Variants in PTPRM observed in about 807,000 individuals in gnomAD.
The protein encoded by PTPRM is receptor-type tyrosine-protein phosphatase mu.
In PTPRM, 47 loss-of-function variants were observed where a neutral mutation model predicts 186.7. That is an observed-to-expected ratio of 0.25 (90% confidence interval 0.20 to 0.32). The LOEUF is 0.32. Ranked by LOEUF, PTPRM falls within the 10% of genes least tolerant of loss-of-function variation. PTPRM has a pLI of 1.00. For missense variants in PTPRM, 1,494 were observed against 1,865.0 expected, an observed-to-expected ratio of 0.80 and a Z score of 3.66; for synonymous variants, 668 against 674.9, an observed-to-expected ratio of 0.99 and a Z score of 0.16.
intron 22 of PTPRM, among the ~76,000 whole-genome samples, chr18:8,330,298 CT>C (rs936168198): frequency 1.3e-5 from 2 of 152,140 alleles, no homozygotes; most frequent in African/African-American, 4.8e-5. Flanking sequence ...TAACCAGTGA[CT>C]TTTTTTCTTG....
At chr18:8,353,914 A>G (rs1340106531) in intron 23 of PTPRM, among the ~76,000 whole-genome samples, 1 of 152,200 alleles carries the variant, frequency 6.6e-6, no homozygotes, top group East Asian at 1.9e-4. Flanking sequence ...AAGGCAAACA[A>G]AAAAGAGTAT....
chr18:8,235,996 G>A (rs1325989953), intron 14 of PTPRM, among the ~76,000 whole-genome samples: 2 of 152,028 alleles, frequency 1.3e-5, no homozygotes, highest in Non-Finnish European at 2.9e-5. Flanking sequence ...CTCATGATGC[G>A]GTCTATCTGG....
rs1488694107 is a variant in PTPRM at position 7,568,002 on chromosome 18, G to C, written c.73+111G>C. On this transcript the variant is annotated intron_variant, in intron 1 of 32. Coordinates refer to ENST00000580170, the MANE Select transcript of PTPRM (RefSeq NM_001105244.2). This position sits in a 1 kb window ranked among gnomAD's most constrained non-coding sequence, Gnocchi z 5.1. ...CCTAAGGCTGGCGTCGGGGCCGGGC[G>C]GGGGGCGCGGCGGGCCGGACACCGC... The C allele has an allele frequency of 9.4e-7, 1 of 1,064,542 alleles. No individual in the cohort carries two copies. The allele number at this position is 1,064,542 out of a possible 1,614,324, so 65.9% of individuals were successfully genotyped here. A position where few individuals can be genotyped will look rare whatever the true frequency, so the allele number is the denominator to read the frequency against.
At chr18:8,013,025 C>T (rs1231167305) in intron 7 of PTPRM, among the ~76,000 whole-genome samples, 1 of 151,834 alleles carries the variant, frequency 6.6e-6, no homozygotes, top group African/African-American at 2.4e-5. Flanking sequence ...CTGCAGGGCT[C>T]CTGTCAAGAA....
chr18:7,849,792 G>C (rs988524811), intron 2 of PTPRM, among the ~76,000 whole-genome samples: 1 of 152,110 alleles, frequency 6.6e-6, no homozygotes, highest in African/African-American at 2.4e-5. Flanking sequence ...ATATGAGAGG[G>C]GGAGGCAGTC....
chr18:8,061,644 GCAGGC>G (rs1278500083), intron 7 of PTPRM, among the ~76,000 whole-genome samples: 1 of 95,272 alleles, frequency 1.0e-5, no homozygotes, highest in African/African-American at 4.6e-5. Flanking sequence ...CTCTTTTAGG[GCAGGC>G]CTGGTGGTGA....
At chr18:7,833,393 T>A (rs1051291205) in intron 2 of PTPRM, among the ~76,000 whole-genome samples, 5 of 152,158 alleles carry the variant, frequency 3.3e-5, no homozygotes, top group African/African-American at 1.2e-4. Flanking sequence ...ATGGGGTTAC[T>A]TTTTTATTTC....
chr18:8,196,379 G>T (rs1275622325), intron 14 of PTPRM, among the ~76,000 whole-genome samples: 1 of 152,210 alleles, frequency 6.6e-6, no homozygotes, highest in East Asian at 1.9e-4. Context: ...TACTGTTAGA[G>T]AGATGGGAAC....
intron 13 of PTPRM, among the ~76,000 whole-genome samples, chr18:8,134,624 C>G (rs1389965954): frequency 6.6e-6 from 1 of 152,138 alleles, no homozygotes; most frequent in Non-Finnish European, 1.5e-5. Flanking sequence ...GATCATATTA[C>G]CAGATCTTTC....
At chr18:7,891,007 C>T (rs562990004) in intron 3 of PTPRM, among the ~76,000 whole-genome samples, 14 of 151,788 alleles carry the variant, frequency 9.2e-5, no homozygotes, top group African/African-American at 2.7e-4. Flanking sequence ...CAGGGCACAG[C>T]GGCTCAAGCC....
intron 1 of PTPRM, among the ~76,000 whole-genome samples, chr18:7,681,934 A>G (rs1299619756): frequency 6.6e-6 from 1 of 152,222 alleles, no homozygotes; most frequent in African/African-American, 2.4e-5. Context: ...TTGTGAGTAT[A>G]ACAGAGGCAA....
intron 2 of PTPRM, among the ~76,000 whole-genome samples, chr18:7,881,183 C>T (rs1001587905): frequency 6.6e-6 from 1 of 152,130 alleles, no homozygotes; most frequent in Non-Finnish European, 1.5e-5. Context: ...CATCTGTAAT[C>T]ACAGCACTTG....
intron 5 of PTPRM, among the ~76,000 whole-genome samples, chr18:7,945,382 G>A (rs1252063514): frequency 6.6e-6 from 1 of 151,812 alleles, no homozygotes. Flanking sequence ...GGAGAATGGC[G>A]TGAACCCGGG....
rs1263136283 is a variant in PTPRM at position 8,114,774 on chromosome 18, C to T, written c.2131-17C>T. The stretch of plus-strand genomic sequence containing the variant: ...AAAACATGAATAATGATTTTTCCCT[C>T]TCTTTATTTGACACAGGAAACCAAA... On this transcript the variant is annotated splice_polypyrimidine_tract_variant and intron_variant, in intron 12 of 32. Transcript: ENST00000580170. 2.5e-6 allele frequency: 4 copies of T among 1,594,738 alleles called. No homozygotes were observed. The highest frequency in any genetic ancestry group is 3.4e-6 in the Non-Finnish European group (4 of 1,167,624).
At position 8,001,926 on chromosome 18, in the gene PTPRM, G is replaced by A. The variant is rs1309068904; in HGVS notation, c.1132+46512G>A. ...AACATTCACTGTCAGCACCTGCTGT[G>A]TGTCATAATTGATGTTTCCTTTGGT... On this transcript the variant is annotated intron_variant, in intron 7 of 32. Coordinates refer to ENST00000580170, the MANE Select transcript of PTPRM (RefSeq NM_001105244.2). 1.7e-4 allele frequency among the ~76,000 whole-genome samples: 26 copies of A among 152,318 alleles called. No homozygotes were observed. The East Asian group carries it at 2.9e-3, about 17-fold the overall frequency.
chr18:7,978,491 T>C (rs769068704), intron 7 of PTPRM, among the ~76,000 whole-genome samples: 23 of 152,226 alleles, frequency 1.5e-4, no homozygotes, highest in Non-Finnish European at 3.4e-4. Context: ...ATATGCCTCG[T>C]GGCCCAAAGG....
chr18:8,110,031 G>A (rs1288567548), intron 11 of PTPRM, among the ~76,000 whole-genome samples: 1 of 152,090 alleles, frequency 6.6e-6, no homozygotes, highest in Non-Finnish European at 1.5e-5. Flanking sequence ...TTTTAATAAG[G>A]CAAAGCATCG....
At chr18:7,742,871 T>C (rs777448505) in intron 1 of PTPRM, among the ~76,000 whole-genome samples, 1 of 152,186 alleles carries the variant, frequency 6.6e-6, no homozygotes, top group African/African-American at 2.4e-5. Context: ...ATCATTTCTC[T>C]TGAAAGTAAA....
intron 7 of PTPRM, among the ~76,000 whole-genome samples, chr18:8,021,317 GACACACACACACACACAC>G (rs35335855): frequency 2.8e-5 from 4 of 142,874 alleles, no homozygotes; most frequent in South Asian, 2.3e-4. Context: ...GCATAAAAGA[GACACACACACACACACAC>G]ACACACACAC....
Sources: allele counts gnomAD v4.1 joint callset (sites outside exome capture counted in the v4.1 genomes callset), GRCh38; gene constraint gnomAD v4.1.1; non-coding constraint Gnocchi (gnomAD v3.1); transcripts MANE v1.5; gene names NCBI Gene and HGNC (gene_info 2026-07-23, HGNC 2026-07-21).